The following C14orf132 variants were observed in gnomAD, a reference collection of about 807,000 sequenced individuals.
C14orf132 encodes chromosome 14 open reading frame 132.
A neutral mutation model predicts 5.8 loss-of-function variants in C14orf132; 6 were observed. The ratio of observed to expected loss-of-function variants is 1.03; its 90% CI spans 0.57 to 2.04. The LOEUF is 2.04. C14orf132 is among the 30% of genes most tolerant of loss of function. The probability of loss-of-function intolerance (pLI) is 0.00; values close to 1 mark genes in which losing one functional copy is unlikely to be tolerated. For synonymous variants in C14orf132, 51 were observed against 49.8 expected (o/e 1.02, Z -0.10); for missense variants, 125 against 115.8 (o/e 1.08, Z -0.37).
chr14:96,081,846 C>A (rs546988110), intron 1 of C14orf132, among the ~76,000 whole-genome samples: 11 of 152,310 alleles, frequency 7.2e-5, no homozygotes, highest in African/African-American at 2.4e-4. Flanking sequence ...GCAATCCTCC[C>A]ATCTTGGCCT....
At chr14:96,048,441 A>G (rs1886894157) in intron 1 of C14orf132, among the ~76,000 whole-genome samples, 2 of 152,214 alleles carry the variant, frequency 1.3e-5, no homozygotes, top group African/African-American at 2.4e-5. Flanking sequence ...ATTATTCAGT[A>G]TGTAGCTTTT....
intron 1 of C14orf132, among the ~76,000 whole-genome samples, chr14:96,066,214 T>C (rs1411962426): frequency 1.3e-5 from 2 of 152,166 alleles, no homozygotes; most frequent in South Asian, 2.1e-4. Context: ...ATTCTCACCA[T>C]GGACCATGGG....
chr14:96,051,190 C>A (rs1336797344), intron 1 of C14orf132: 1 of 398,566 alleles, frequency 2.5e-6, no homozygotes, highest in Non-Finnish European at 4.4e-6. Flanking sequence ...TAACTCCTTT[C>A]CAGTCTGCCG....
At chr14:96,056,426 C>T (rs1276649671) in intron 1 of C14orf132, among the ~76,000 whole-genome samples, 3 of 152,170 alleles carry the variant, frequency 2.0e-5, no homozygotes, top group Admixed American at 1.3e-4. Context: ...TCCTCCTTCT[C>T]GCTGGGCTCC....
chr14:96,057,194 A>ACC (rs142286461), intron 1 of C14orf132, among the ~76,000 whole-genome samples: 1,772 of 152,272 alleles, frequency 0.012, 27 homozygotes, highest in African/African-American at 0.04. Flanking sequence ...TGAGGGCTTA[A>ACC]CCCCCTCATG....
chr14:96,079,908 A>T (rs907227367), intron 1 of C14orf132, among the ~76,000 whole-genome samples: 1 of 152,230 alleles, frequency 6.6e-6, no homozygotes, highest in African/African-American at 2.4e-5. Context: ...TAAAAGATGC[A>T]CAGTTAAATT....
intron 1 of C14orf132, among the ~76,000 whole-genome samples, chr14:96,055,712 C>G (rs1349033352): frequency 1.3e-5 from 2 of 152,186 alleles, no homozygotes; most frequent in Non-Finnish European, 2.9e-5. Context: ...GTTCATGAAG[C>G]CTCCTCACCG....
Position 96,062,012 on chromosome 14 carries a change from C to T in C14orf132, c.27+22485C>T, listed in dbSNP as rs28385343. Among the ~76,000 whole-genome samples, 265 of 152,272 alleles carry T rather than the reference C, an allele frequency of 1.7e-3. 3 individuals are homozygous for T. Among genetic ancestry groups the T allele is most frequent in the African/African-American group, 6.0e-3 (250 of 41,516 alleles). On this transcript the variant is annotated intron_variant, in intron 1 of 1. Coordinates refer to ENST00000555004, the MANE Select transcript of C14orf132 (RefSeq NM_001252507.3). ...CAGAACAATTATTCTAATATTTTGTCTTCTATCTCAGTCACCACATTCCCC... is the reference window on the plus strand; with the variant it reads ...CAGAACAATTATTCTAATATTTTGTTTTCTATCTCAGTCACCACATTCCCC...
intron 1 of C14orf132, among the ~76,000 whole-genome samples, chr14:96,072,333 C>T (rs574767218): frequency 1.3e-5 from 2 of 152,290 alleles, no homozygotes; most frequent in Non-Finnish European, 2.9e-5. Context: ...GTTTGGGGTC[C>T]AGCCTGACCC....
chr14:96,077,696 C>T (rs577200704), intron 1 of C14orf132, among the ~76,000 whole-genome samples: 2 of 152,346 alleles, frequency 1.3e-5, no homozygotes, highest in Admixed American at 1.3e-4. Context: ...CTAACTAGTA[C>T]ACTGTGTCTT....
intron 1 of C14orf132, among the ~76,000 whole-genome samples, chr14:96,057,930 C>G (rs1201546837): frequency 1.3e-5 from 2 of 152,158 alleles, no homozygotes; most frequent in Non-Finnish European, 2.9e-5. Flanking sequence ...GCCATTGGTC[C>G]CTTGAGTCAC....
chr14:96,080,251 G>A (rs1267703574), intron 1 of C14orf132, among the ~76,000 whole-genome samples: 1 of 152,130 alleles, frequency 6.6e-6, no homozygotes, highest in African/African-American at 2.4e-5. Context: ...GCTGGAGCAG[G>A]GCCAGATCTC....
chr14:96,049,591 C>CATATATACGTATATATGT (rs1566823803), intron 1 of C14orf132, among the ~76,000 whole-genome samples: 1 of 120,030 alleles, frequency 8.3e-6, no homozygotes, highest in Non-Finnish European at 1.8e-5. Flanking sequence ...TATATATATA[C>CATATATACGTATATATGT]ATATATACGT....
chr14:96,053,313 C>T (rs1408162535), intron 1 of C14orf132, among the ~76,000 whole-genome samples: 1 of 152,218 alleles, frequency 6.6e-6, no homozygotes, highest in African/African-American at 2.4e-5. Flanking sequence ...GGAACAAGCA[C>T]TAAATTCCCT....
chr14:96,074,897 T>C (rs1475027343), intron 1 of C14orf132, among the ~76,000 whole-genome samples: 1 of 152,148 alleles, frequency 6.6e-6, no homozygotes, highest in African/African-American at 2.4e-5. Context: ...TTGATTATGC[T>C]TAGTCCTTTG....
intron 1 of C14orf132, among the ~76,000 whole-genome samples, chr14:96,085,489 C>T (rs1052001870): frequency 6.6e-6 from 1 of 152,204 alleles, no homozygotes; most frequent in Admixed American, 6.5e-5. Flanking sequence ...CCTTGGAGCA[C>T]CCCACCTCCC....
At chr14:96,075,353 A>G (rs1887830804) in intron 1 of C14orf132, among the ~76,000 whole-genome samples, 1 of 152,140 alleles carries the variant, frequency 6.6e-6, no homozygotes, top group African/African-American at 2.4e-5. Flanking sequence ...GCAATTAGAG[A>G]TAGTTTTATG....
intron 1 of C14orf132, among the ~76,000 whole-genome samples, chr14:96,056,327 G>C (rs1220697063): frequency 6.6e-6 from 1 of 152,220 alleles, no homozygotes; most frequent in Non-Finnish European, 1.5e-5. Flanking sequence ...GCCTGCAAGG[G>C]GGTCAGGGTG....
intron 1 of C14orf132, among the ~76,000 whole-genome samples, chr14:96,041,854 C>T (rs1023252900): frequency 2.6e-5 from 4 of 152,178 alleles, no homozygotes; most frequent in South Asian, 2.1e-4. Flanking sequence ...TTGAATAGGA[C>T]GTAGATTTTC....
Sources: allele counts gnomAD v4.1 joint callset (sites outside exome capture counted in the v4.1 genomes callset), GRCh38; gene constraint gnomAD v4.1.1; transcripts MANE v1.5; gene names NCBI Gene and HGNC (gene_info 2026-07-23, HGNC 2026-07-21).